DIAPH3: variants seen among roughly 807,000 people sequenced by gnomAD.
DIAPH3 encodes diaphanous related formin 3.
In DIAPH3, 117 loss-of-function variants were observed where a neutral mutation model predicts 144.3. The observed-to-expected ratio is 0.81, with a 90% CI of 0.70 to 0.95. The LOEUF (loss-of-function observed/expected upper bound fraction) is 0.95. Among genes scored for constraint, DIAPH3 ranks in the 40% least tolerant of loss-of-function variants. The pLI is 0.00. For synonymous variants in DIAPH3, 519 were observed against 488.9 expected (o/e 1.06, Z -0.81); for missense variants, 1,421 against 1,412.7 (o/e 1.01, Z -0.09).
At chr13:59,703,745 T>C (rs2034252915) in intron 27 of DIAPH3, among the ~76,000 whole-genome samples, 1 of 152,156 alleles carries the variant, frequency 6.6e-6, no homozygotes, top group Non-Finnish European at 1.5e-5. Context: ...CTTGTATGCG[T>C]GTTTATGTGT....
chr13:59,793,233 CTTG>C lies in DIAPH3; in HGVS notation c.3163+17552_3163+17554del, dbSNP rs1262981647. Among the ~76,000 whole-genome samples the C allele has an allele frequency of 6.6e-5, 10 of 152,282 alleles. No individual in the cohort carries two copies. The East Asian group carries it at 1.2e-3, about 18-fold the overall frequency. On this transcript the variant is annotated intron_variant, in intron 25 of 27. Coordinates refer to ENST00000400324, the MANE Select transcript of DIAPH3 (RefSeq NM_001042517.2). The stretch of plus-strand genomic sequence containing the variant: ...CAATTTCCTCTACCTGTGCTAGTAT[CTTG>C]TTGTTCTCCACCCCTCCTGCCGCCC...
intron 4 of DIAPH3, among the ~76,000 whole-genome samples, chr13:60,090,740 G>A (rs2057902565): frequency 2.0e-5 from 3 of 152,112 alleles, no homozygotes; most frequent in Admixed American, 2.0e-4. Context: ...AAAAACAAAT[G>A]ACTGGTCAGC....
At chr13:59,668,448 G>A (rs1350697022) in intron 27 of DIAPH3, among the ~76,000 whole-genome samples, 1 of 152,142 alleles carries the variant, frequency 6.6e-6, no homozygotes, top group South Asian at 2.1e-4. Flanking sequence ...GACAACTCTA[G>A]TTAAAAGTCT....
chr13:59,724,398 A>T (rs995183581), intron 27 of DIAPH3, among the ~76,000 whole-genome samples: 1 of 152,198 alleles, frequency 6.6e-6, no homozygotes, highest in African/African-American at 2.4e-5. Context: ...GAATGAGCTC[A>T]GTATGGGTAA....
chr13:59,899,078 G>C (rs917488393), intron 20 of DIAPH3, among the ~76,000 whole-genome samples: 19 of 152,230 alleles, frequency 1.2e-4, no homozygotes, highest in Middle Eastern at 3.4e-3. Context: ...TTCAGCTTTT[G>C]GACTCTTGGA....
chr13:59,914,127 C>T (rs185710982), intron 19 of DIAPH3, among the ~76,000 whole-genome samples: 100 of 151,994 alleles, frequency 6.6e-4, no homozygotes, highest in African/African-American at 2.3e-3. Context: ...AATGGCAAAA[C>T]AATGACATAC....
chr13:59,992,252 CAT>C, intron 10 of DIAPH3, 66 bp from the exon 11 acceptor site: 2 of 1,352,754 alleles, frequency 1.5e-6, no homozygotes, highest in Admixed American at 1.9e-5. Context: ...GAATAAAAAA[CAT>C]ATAAACAATA....
chr13:59,994,777 G>A (rs931088666), intron 9 of DIAPH3, among the ~76,000 whole-genome samples: 1 of 151,784 alleles, frequency 6.6e-6, no homozygotes, highest in Non-Finnish European at 1.5e-5. Context: ...AGGTAGAAAG[G>A]GGAGTAACGG....
chr13:59,933,446 C>G (rs945365969), intron 17 of DIAPH3, among the ~76,000 whole-genome samples: 11 of 152,216 alleles, frequency 7.2e-5, no homozygotes, highest in African/African-American at 2.7e-4. Context: ...GTAAAGCACA[C>G]TTCAGGCTCA....
intron 27 of DIAPH3, among the ~76,000 whole-genome samples, chr13:59,701,040 TTC>T (rs1161379342): frequency 6.6e-6 from 1 of 152,166 alleles, no homozygotes; most frequent in African/African-American, 2.4e-5. Context: ...CTAACACCAT[TTC>T]TCTTACTGTA....
At chr13:59,749,722 T>A (rs1223754179) in intron 27 of DIAPH3, among the ~76,000 whole-genome samples, 1 of 151,974 alleles carries the variant, frequency 6.6e-6, no homozygotes, top group African/African-American at 2.4e-5. Context: ...CATAGGTATT[T>A]CTTAAAAGAA....
chr13:60,070,598 G>T (rs1438901233), intron 4 of DIAPH3, among the ~76,000 whole-genome samples: 1 of 152,078 alleles, frequency 6.6e-6, no homozygotes, highest in Non-Finnish European at 1.5e-5. Flanking sequence ...ACTTCATTCT[G>T]GTGTCATTCC....
intron 27 of DIAPH3, among the ~76,000 whole-genome samples, chr13:59,769,379 T>C (rs989700949): frequency 6.6e-6 from 1 of 152,168 alleles, no homozygotes; most frequent in Non-Finnish European, 1.5e-5. Context: ...TGATCTCTTT[T>C]CTGCTTCTCC....
At chr13:59,820,865 C>G (rs901043588) in intron 24 of DIAPH3, among the ~76,000 whole-genome samples, 1 of 150,738 alleles carries the variant, frequency 6.6e-6, no homozygotes, top group Admixed American at 6.6e-5. Flanking sequence ...GCCATAGATT[C>G]TGACTTTTTG....
intron 24 of DIAPH3, among the ~76,000 whole-genome samples, chr13:59,824,348 G>C (rs921353166): frequency 1.3e-5 from 2 of 152,254 alleles, no homozygotes; most frequent in East Asian, 3.9e-4. Flanking sequence ...CTGAGGCTCA[G>C]TAAGGTTAAG....
chr13:59,773,147 G>C lies in DIAPH3; in HGVS notation c.3319+1042C>G, dbSNP rs530429053. On this transcript the variant is annotated intron_variant, in intron 27 of 27. Transcript: ENST00000400324. ...ATTTGTATTGTTATACAAGAGAAAG[G>C]CAAGACAAAAACAACAAAAAAGACC... Among the ~76,000 whole-genome samples the C allele has an allele frequency of 2.0e-5, 3 of 152,082 alleles. No individual in the cohort carries two copies. The South Asian group carries it at 6.2e-4, about 32-fold the overall frequency.
intron 5 of DIAPH3, among the ~76,000 whole-genome samples, chr13:60,031,887 G>A (rs1196333936): frequency 3.3e-5 from 5 of 151,938 alleles, no homozygotes; most frequent in Admixed American, 2.0e-4. Flanking sequence ...GGGACTATAG[G>A]CACAGGCCAC....
At chr13:60,007,979 T>C (rs2052987654) in intron 9 of DIAPH3, among the ~76,000 whole-genome samples, 1 of 152,168 alleles carries the variant, frequency 6.6e-6, no homozygotes, top group African/African-American at 2.4e-5. Flanking sequence ...TAATATCTCA[T>C]ACAGGGAAAT....
chr13:59,929,247 T>C (rs1276081416), intron 17 of DIAPH3, among the ~76,000 whole-genome samples: 3 of 152,212 alleles, frequency 2.0e-5, no homozygotes, highest in Non-Finnish European at 4.4e-5. Flanking sequence ...TCAACCTGTA[T>C]ATTACAATTA....
Sources: gnomAD v4.1 joint callset for allele counts (sites outside exome capture counted in the v4.1 genomes callset) on GRCh38, gnomAD v4.1.1 for gene constraint, MANE v1.5 for transcripts, NCBI Gene and HGNC (gene_info 2026-07-23, HGNC 2026-07-21) for gene names.